Variants in SERHL2 observed in about 807,000 individuals in gnomAD.
The protein encoded by SERHL2 is serine hydrolase-like protein 2.
SERHL2 carries 29 observed loss-of-function variants against 25.5 expected under a neutral mutation model. The observed-to-expected ratio is 1.14, with a 90% CI of 0.85 to 1.55. SERHL2 has a LOEUF of 1.55. Ranked by LOEUF, SERHL2 falls within the 40% of genes most tolerant of loss-of-function variation. The pLI, the probability that SERHL2 is intolerant of heterozygous loss-of-function variation, is 0.00. For missense variants in SERHL2, 240 were observed against 252.3 expected, an observed-to-expected ratio of 0.95 and a Z score of 0.33; for synonymous variants, 95 against 103.5, an observed-to-expected ratio of 0.92 and a Z score of 0.50.
intron 9 of SERHL2, among the ~76,000 whole-genome samples, chr22:42,567,537 G>A (rs1172225786): frequency 2.0e-5 from 3 of 151,252 alleles, no homozygotes; most frequent in East Asian, 2.0e-4. Context: ...GGTGGCAGGC[G>A]CCTGTAGTCC....
Position 42,567,352 on chromosome 22 carries a change from T to A in SERHL2, c.648+1014T>A, listed in dbSNP as rs2146725483. Among the ~76,000 whole-genome samples the A allele has an allele frequency of 1.3e-5, 2 of 151,910 alleles. 1 individual carries two copies. Among genetic ancestry groups the A allele is most frequent in the Non-Finnish European group, 2.9e-5 (2 of 67,972 alleles). On this transcript the variant is annotated intron_variant, in intron 9 of 11. Transcript: ENST00000327678. ...AGTGATTCATTTTCTTTTCTTTTTTTCTTTTTTGTGTTTTAAAAGTTCGAT... is the reference window on the plus strand; with the variant it reads ...AGTGATTCATTTTCTTTTCTTTTTTACTTTTTTGTGTTTTAAAAGTTCGAT...
In SERHL2 at chr22:42,571,092, G is replaced by A. The variant is rs770889489; in HGVS notation, c.649-29G>A. On this transcript the variant is annotated intron_variant, in intron 9 of 11. Transcript: ENST00000327678. ...CACGAGAGTGCCTGTGCCTTGTGAC[G>A]AGAATTCACCATGTTTTTGTCTCTG... 48 of 1,613,020 alleles carry A rather than the reference G, an allele frequency of 3.0e-5. No homozygotes were observed. The East Asian group carries it at 6.2e-4, about 21-fold the overall frequency.
At chr22:42,560,112 G>C in intron 7 of SERHL2, 74 bp from the exon 8 acceptor site, 1 of 1,111,398 alleles carries the variant, frequency 9.0e-7, no homozygotes. Context: ...GTCCCCCCCG[G>C]CCCTCCTCTC....
At chr22:42,570,725 G>A (rs1373879226) in intron 9 of SERHL2, among the ~76,000 whole-genome samples, 2 of 152,164 alleles carry the variant, frequency 1.3e-5, no homozygotes, top group African/African-American at 2.4e-5. Context: ...CAGGCTGGCA[G>A]GGGACAGCGT....
rs1922520533 is a variant in SERHL2 at position 42,560,244 on chromosome 22, G to A, written c.592G>A (p.Gly198Arg). The change falls in exon 8 of 12, where the codon GGA (glycine) becomes AGA (arginine). Residue 198 changes from glycine to arginine, a missense_variant. Gly to Arg is a moderately radical substitution (Grantham distance 125). This residue lies in a region of SERHL2 where 212 missense variants were observed against 168.9 expected (regional missense o/e 1.25). Transcript: ENST00000327678. ...GTGCGGGGAGCTTCTCCTGCAAAGA[G>A]GAACCACGAAGGTGGCCACAGGTAA... ...EECGELLLQR[G>R]TTKVATGLVL... 2 of 1,612,470 alleles carry A rather than the reference G, an allele frequency of 1.2e-6. No homozygotes were observed. The highest frequency in any genetic ancestry group is 1.1e-5 in the South Asian group (1 of 91,070).
At chr22:42,554,261 T>A (rs1921958817) in intron 1 of SERHL2, among the ~76,000 whole-genome samples, 1 of 151,820 alleles carries the variant, frequency 6.6e-6, no homozygotes, top group Non-Finnish European at 1.5e-5. Flanking sequence ...CAGGAGCCCC[T>A]GAGTTAGCCG....
intron 10 of SERHL2, chr22:42,572,040 C>A: frequency 6.4e-6 from 1 of 155,270 alleles, no homozygotes; most frequent in Non-Finnish European, 1.4e-5. Flanking sequence ...TGACGATGGT[C>A]TCACAACTCA....
intron 8 of SERHL2, among the ~76,000 whole-genome samples, chr22:42,563,654 G>A (rs1048154384): frequency 6.6e-6 from 1 of 151,830 alleles, no homozygotes; most frequent in African/African-American, 2.4e-5. Flanking sequence ...CATTTGGCAT[G>A]GGGGGAATTT....
At chr22:42,571,256 G>C (rs753644503) in intron 10 of SERHL2, 53 bp downstream of exon 10, 1 of 1,606,932 alleles carries the variant, frequency 6.2e-7, no homozygotes, top group Non-Finnish European at 8.5e-7. Flanking sequence ...ATGGGCGCCA[G>C]GAATCTCCGG....
chr22:42,564,456 G>A (rs114526944), intron 8 of SERHL2, among the ~76,000 whole-genome samples: 1,606 of 151,006 alleles, frequency 0.011, 26 homozygotes, highest in African/African-American at 0.038. Context: ...TTTGAGACGG[G>A]GTCTTGCTTT....
At chr22:42,564,637 G>T (rs950172270) in intron 8 of SERHL2, among the ~76,000 whole-genome samples, 2 of 151,632 alleles carry the variant, frequency 1.3e-5, no homozygotes, top group Admixed American at 6.6e-5. Context: ...CACCATGTTG[G>T]CCAGGCTGGT....
intron 9 of SERHL2, among the ~76,000 whole-genome samples, chr22:42,568,180 C>T (rs1317092125): frequency 7.1e-6 from 1 of 140,860 alleles, no homozygotes; most frequent in Non-Finnish European, 1.5e-5. Flanking sequence ...TGCGCTACCA[C>T]ACCCAGCTAA....
intron 9 of SERHL2, among the ~76,000 whole-genome samples, chr22:42,570,420 A>T (rs1924004639): frequency 6.6e-6 from 1 of 152,086 alleles, no homozygotes; most frequent in Admixed American, 6.5e-5. Context: ...CTCGGTCTCA[A>T]ATAAATAAGG....
intron 10 of SERHL2, chr22:42,572,004 G>C (rs567048865): frequency 3.3e-5 from 5 of 153,554 alleles, no homozygotes; most frequent in Admixed American, 3.3e-4. Context: ...GATTTCTTTG[G>C]GGGCGATGAA....
At chr22:42,566,183 G>T in intron 8 of SERHL2, 121 bp from the exon 9 acceptor site, 1 of 951,256 alleles carries the variant, frequency 1.1e-6, no homozygotes, top group Non-Finnish European at 1.6e-6. Context: ...AGGACGTCGG[G>T]GGCAGGTGGG....
chr22:42,564,524 T>C (rs1923085497), intron 8 of SERHL2, among the ~76,000 whole-genome samples: 2 of 151,574 alleles, frequency 1.3e-5, no homozygotes, highest in South Asian at 4.2e-4. Context: ...CTCCACCTCC[T>C]GGGTTCAAGT....
intron 8 of SERHL2, among the ~76,000 whole-genome samples, chr22:42,563,163 A>T (rs1922892961): frequency 6.6e-6 from 1 of 150,722 alleles, no homozygotes; most frequent in South Asian, 2.1e-4. Context: ...ACTGCACTCT[A>T]GCAAGACCCT....
intron 8 of SERHL2, among the ~76,000 whole-genome samples, chr22:42,562,345 A>C (rs1291599999): frequency 6.6e-6 from 1 of 151,780 alleles, no homozygotes; most frequent in Non-Finnish European, 1.5e-5. Flanking sequence ...GAGCTTAAAC[A>C]ACCAAGACAC....
At chr22:42,571,864 T>TCAAGTC (rs1156875249) in intron 10 of SERHL2, 1 of 140,030 alleles carries the variant, frequency 7.1e-6, no homozygotes, top group Non-Finnish European at 1.5e-5. Flanking sequence ...CACGTTCAAG[T>TCAAGTC]CAAGTCCAAA....
Sources: allele counts gnomAD v4.1 joint callset (sites outside exome capture counted in the v4.1 genomes callset), GRCh38; gene constraint gnomAD v4.1.1; regional missense constraint gnomAD v4.1.1; transcripts MANE v1.5; gene names NCBI Gene and HGNC (gene_info 2026-07-23, HGNC 2026-07-21).